SSC5D: variants seen among roughly 807,000 people sequenced by gnomAD.
The protein encoded by SSC5D is scavenger receptor cysteine rich family member with 5 domains.
In SSC5D, 106 loss-of-function variants were observed where a neutral mutation model predicts 104.6. The observed-to-expected ratio is 1.01, with a 90% CI of 0.87 to 1.19. The LOEUF (loss-of-function observed/expected upper bound fraction) is 1.19. Ranked by LOEUF, SSC5D falls within the 50% of genes most tolerant of loss-of-function variation. The pLI, the probability that SSC5D is intolerant of heterozygous loss-of-function variation, is 0.00. For missense variants in SSC5D, 1,993 were observed against 2,153.8 expected, an observed-to-expected ratio of 0.93 and a Z score of 1.48; for synonymous variants, 860 against 883.5, an observed-to-expected ratio of 0.97 and a Z score of 0.47.
chr19:55,492,595 C>T (rs955961862), intron 6 of SSC5D: 5 of 152,248 alleles, frequency 3.3e-5, no homozygotes, highest in East Asian at 1.9e-4. Flanking sequence ...GAAAAGCAGA[C>T]AGGTGTGTTA....
Position 55,513,019 on chromosome 19 carries a change from G to A in SSC5D, c.2794G>A (p.Asp932Asn). 1 of 1,552,100 alleles carries A rather than the reference G, an allele frequency of 6.4e-7. No individual in the cohort carries two copies. Among genetic ancestry groups the A allele is most frequent in the Non-Finnish European group, 8.7e-7 (1 of 1,147,088 alleles). ...TCCCCATATCTCTCTAGGCAGCAAA[G>A]ATGGTTACAAGCTTCCCTGGACGTG... ...IRRLPDTGSK[D>N]GYKLPWTWDT... Residue 932 changes from aspartate to asparagine, a missense_variant, in exon 13 of 14, where the codon GAT (aspartate) becomes AAT (asparagine). Physicochemically the swap from Asp to Asn is conservative, Grantham distance 23 (BLOSUM62 1). Transcript: ENST00000389623.
chr19:55,495,390 C>T (rs1836703556), intron 8 of SSC5D, among the ~76,000 whole-genome samples: 1 of 145,478 alleles, frequency 6.9e-6, no homozygotes, highest in South Asian at 2.2e-4. Flanking sequence ...GCTGGGACTA[C>T]TAATTTTTTG....
At chr19:55,499,229 C>T (rs778585361) in intron 9 of SSC5D, among the ~76,000 whole-genome samples, 35 of 152,308 alleles carry the variant, frequency 2.3e-4, no homozygotes, top group Non-Finnish European at 4.4e-4. Context: ...GGGGAAAAGG[C>T]GAAACCTTTC....
Position 55,519,066 on chromosome 19 carries a change from A to G in SSC5D, c.*68A>G. The G allele has an allele frequency of 6.9e-7, 1 of 1,443,148 alleles. No individual in the cohort carries two copies. The highest frequency in any genetic ancestry group is 9.3e-7 in the Non-Finnish European group (1 of 1,076,134). 89.4% of individuals were successfully genotyped at this position (1,443,148 alleles called of 1,614,324 possible). Reference sequence around the variant, plus strand: ...AAAAACAAAAACAAAAAAAACCCCCAAAGTATCTAATTAAAAACAAGGTGT... The same window carrying G: ...AAAAACAAAAACAAAAAAAACCCCCGAAGTATCTAATTAAAAACAAGGTGT... On this transcript the variant is annotated 3_prime_UTR_variant, in exon 14 of 14. Transcript: ENST00000389623.
At chr19:55,499,036 A>G (rs1248902700) in intron 9 of SSC5D, among the ~76,000 whole-genome samples, 1 of 152,230 alleles carries the variant, frequency 6.6e-6, no homozygotes, top group African/African-American at 2.4e-5. Context: ...GGAACTGCCA[A>G]CTAGGGAAGT....
chr19:55,511,861 G>T (rs1275941773), intron 12 of SSC5D, among the ~76,000 whole-genome samples: 6 of 152,176 alleles, frequency 3.9e-5, no homozygotes, highest in African/African-American at 1.4e-4. Flanking sequence ...GGGGGGCCAG[G>T]GTCTCAGGGG....
intron 7 of SSC5D, 79 bp from the exon 8 acceptor site, chr19:55,494,531 G>A: frequency 1.4e-6 from 2 of 1,405,128 alleles, no homozygotes; most frequent in Non-Finnish European, 1.9e-6. Context: ...ACTGAGGAAG[G>A]ATGACGCAGG....
rs1021443361 is a variant in SSC5D, at chr19:55,513,270, G to T, written c.2947+98G>T. On this transcript the variant is annotated intron_variant, in intron 13 of 13. Coordinates refer to ENST00000389623, the MANE Select transcript of SSC5D (RefSeq NM_001144950.2). Reference sequence around the variant, plus strand: ...CCCACTGGAACCCTTACCCCAGAAAGACTCAGCAGAAATATACCCTAAAAC... The same window carrying T: ...CCCACTGGAACCCTTACCCCAGAAATACTCAGCAGAAATATACCCTAAAAC... The T allele has an allele frequency of 4.8e-6, 6 of 1,252,324 alleles. No individual in the cohort carries two copies. In the African/African-American group the frequency reaches 9.2e-5, roughly 19 times the overall value. 77.6% of individuals were successfully genotyped at this position (1,252,324 alleles called of 1,614,324 possible).
chr19:55,508,413 G>A (rs942919595), intron 12 of SSC5D, among the ~76,000 whole-genome samples: 7 of 152,128 alleles, frequency 4.6e-5, no homozygotes, highest in Admixed American at 2.0e-4. Flanking sequence ...TGGGCCAGGC[G>A]CTGTTCAAAG....
At position 55,518,056 on chromosome 19, in the gene SSC5D, C is replaced by G; in HGVS notation, c.3780C>G (p.Thr1260=). The G allele has an allele frequency of 6.5e-7, 1 of 1,542,506 alleles. No individual in the cohort carries two copies. The highest frequency in any genetic ancestry group is 8.7e-7 in the Non-Finnish European group (1 of 1,144,560). ...ACTCCACCATGATTCCTGACCCCAC[C>G]ACAACCCCTCAACCCTTCACCACCA... ...ITHSTMIPDP[T]TTPQPFTTMQ... is the part of the protein sequence containing the mutation. The change falls in exon 14 of 14, where the codon ACC becomes ACG. Residue 1260 remains threonine, a synonymous_variant. Coordinates refer to ENST00000389623, the MANE Select transcript of SSC5D (RefSeq NM_001144950.2).
At chr19:55,512,819 G>A (rs968967650) in intron 12 of SSC5D, among the ~76,000 whole-genome samples, 192 bp from the exon 13 acceptor site, 4 of 152,084 alleles carry the variant, frequency 2.6e-5, no homozygotes, top group African/African-American at 7.2e-5. Context: ...TTTAGTGACC[G>A]TTTCCGTCGT....
intron 12 of SSC5D, among the ~76,000 whole-genome samples, chr19:55,512,076 C>T (rs973887056): frequency 2.0e-5 from 3 of 151,704 alleles, no homozygotes; most frequent in African/African-American, 7.3e-5. Context: ...CGGTGGCTCA[C>T]ACCTGTAGCT....
rs778812709 is a variant in SSC5D, at chr19:55,493,827, C to G, written c.1128C>G (p.Asn376Lys). ...IILDDLRCRG[N>K]ETALRFCPAR... Reference sequence around the variant, plus strand: ...TGGACGACCTTCGGTGTCGGGGAAACGAGACGGCCTTACGATTCTGCCCAG... The same window carrying G: ...TGGACGACCTTCGGTGTCGGGGAAAGGAGACGGCCTTACGATTCTGCCCAG... Residue 376 changes from asparagine (N) to lysine (K), a missense_variant, in exon 7 of 14, where the codon AAC becomes AAG. This residue lies in a region of SSC5D where 1,101 missense variants were observed against 1,085.0 expected (regional missense o/e 1.01). Coordinates refer to ENST00000389623, the MANE Select transcript of SSC5D (RefSeq NM_001144950.2). 2 of 1,549,444 alleles carry G rather than the reference C, an allele frequency of 1.3e-6. No individual in the cohort carries two copies. Among genetic ancestry groups the G allele is most frequent in the African/African-American group, 2.7e-5 (2 of 73,070 alleles).
rs549393366 is a variant in SSC5D at position 55,514,943 on chromosome 19, T to C, written c.2947+1771T>C. On this transcript the variant is annotated intron_variant, in intron 13 of 13. Coordinates refer to ENST00000389623, the MANE Select transcript of SSC5D (RefSeq NM_001144950.2). ...TCACCCCGCTAGGAAGCCATGCAGC[T>C]GGGGTTTAAACTCGGACAGCCTGCC... 7.9e-5 allele frequency among the ~76,000 whole-genome samples: 12 copies of C among 152,294 alleles called. No homozygotes were observed. In the East Asian group the frequency reaches 2.3e-3, roughly 29 times the overall value.
At chr19:55,512,458 C>A (rs1406884046) in intron 12 of SSC5D, among the ~76,000 whole-genome samples, 5 of 146,134 alleles carry the variant, frequency 3.4e-5, no homozygotes, top group Non-Finnish European at 7.4e-5. Context: ...AGGGCAGGAG[C>A]CTTGAGGAAT....
chr19:55,507,362 AGG>A (rs1987657766), intron 12 of SSC5D, among the ~76,000 whole-genome samples: 1 of 144,784 alleles, frequency 6.9e-6, no homozygotes, highest in African/African-American at 2.6e-5. Context: ...AAAAAAAAAA[AGG>A]ATGGTTAAGA....
chr19:55,495,694 C>G (rs1406355730), intron 8 of SSC5D, among the ~76,000 whole-genome samples: 1 of 152,024 alleles, frequency 6.6e-6, no homozygotes, highest in Non-Finnish European at 1.5e-5. Context: ...AGGGAAGCAC[C>G]AGGGCCAGGC....
chr19:55,512,520 C>T (rs1987781825), intron 12 of SSC5D, among the ~76,000 whole-genome samples: 2 of 148,622 alleles, frequency 1.3e-5, no homozygotes, highest in African/African-American at 5.0e-5. Context: ...CTCGCTCTGT[C>T]ACCCAGGCAG....
At chr19:55,506,648 C>A (rs1987643860) in intron 12 of SSC5D, among the ~76,000 whole-genome samples, 2 of 151,824 alleles carry the variant, frequency 1.3e-5, no homozygotes, top group South Asian at 4.1e-4. Context: ...CCTGCCTCGG[C>A]CTCCCAAAGT....
Sources: gnomAD v4.1 joint callset for allele counts (sites outside exome capture counted in the v4.1 genomes callset) on GRCh38, gnomAD v4.1.1 for gene constraint, gnomAD v4.1.1 regional missense constraint, MANE v1.5 for transcripts, NCBI Gene and HGNC (gene_info 2026-07-23, HGNC 2026-07-21) for gene names.